The following CPQ variants were observed in gnomAD, a reference collection of about 807,000 sequenced individuals.
CPQ encodes the protein Ser-Met dipeptidase.
Under a neutral mutation model 45.7 loss-of-function variants are expected in CPQ, and 37 were observed. The ratio of observed to expected loss-of-function variants is 0.81; its 90% CI spans 0.62 to 1.07. The LOEUF is 1.07. CPQ is among the 50% of genes least tolerant of loss of function. The probability of loss-of-function intolerance (pLI) is 0.00; values close to 1 mark genes in which losing one functional copy is unlikely to be tolerated. For synonymous variants in CPQ, 186 were observed against 205.8 expected, an observed-to-expected ratio of 0.90 and a Z score of 0.82; for missense variants, 537 against 572.9, an observed-to-expected ratio of 0.94 and a Z score of 0.64.
In CPQ at chr8:96,882,815, CA is replaced by C. The variant is rs577060917; in HGVS notation, c.849+2812del. 4.4e-3 allele frequency among the ~76,000 whole-genome samples: 664 copies of C among 152,206 alleles called. 5 individuals are homozygous for C. Among genetic ancestry groups the C allele is most frequent in the Admixed American group, 0.021 (321 of 15,284 alleles). ...TATAACTTATATAAAATAAATCAAC[CA>C]ATCTAATGTACAATTTGATGAGTTT... On this transcript the variant is annotated intron_variant, in intron 4 of 7. Coordinates refer to ENST00000220763, the MANE Select transcript of CPQ (RefSeq NM_016134.4).
intron 1 of CPQ, among the ~76,000 whole-genome samples, chr8:96,673,940 C>T (rs985683725): frequency 5.3e-5 from 8 of 151,824 alleles, no homozygotes; most frequent in African/African-American, 1.5e-4. Flanking sequence ...ACAAATAAAC[C>T]CGTGACAAGA....
chr8:96,987,908 G>T (rs1194787037), intron 5 of CPQ, among the ~76,000 whole-genome samples: 1 of 152,128 alleles, frequency 6.6e-6, no homozygotes, highest in Non-Finnish European at 1.5e-5. Context: ...GTAACTTGAT[G>T]GCATAAAGTG....
intron 7 of CPQ, among the ~76,000 whole-genome samples, chr8:97,103,352 G>A (rs1811349535): frequency 6.6e-6 from 1 of 152,188 alleles, no homozygotes; most frequent in African/African-American, 2.4e-5. Context: ...TGGTGACTGT[G>A]AACCTTGAGG....
At chr8:97,095,892 T>G (rs1040486180) in intron 7 of CPQ, among the ~76,000 whole-genome samples, 21 of 152,202 alleles carry the variant, frequency 1.4e-4, no homozygotes, top group African/African-American at 5.1e-4. Context: ...TTAATCATAC[T>G]ATATCATAGT....
intron 5 of CPQ, among the ~76,000 whole-genome samples, chr8:96,966,660 G>A (rs191001375): frequency 6.6e-6 from 1 of 152,148 alleles, no homozygotes; most frequent in Non-Finnish European, 1.5e-5. Context: ...ATGTCCCCTG[G>A]GGGGCCAGGG....
intron 4 of CPQ, among the ~76,000 whole-genome samples, chr8:96,895,114 C>T (rs1812427431): frequency 6.6e-6 from 1 of 152,062 alleles, no homozygotes; most frequent in Non-Finnish European, 1.5e-5. Flanking sequence ...CACTTTGCAT[C>T]CCAGTTGCAG....
At position 96,879,900 on chromosome 8, in the gene CPQ, T is replaced by C; in HGVS notation, c.744T>C (p.His248=). 1.2e-6 allele frequency: 2 copies of C among 1,614,052 alleles called. No individual in the cohort carries two copies. The highest frequency in any genetic ancestry group is 1.1e-5 in the South Asian group (1 of 91,074). Residue 248 remains histidine (H), a synonymous_variant, in exon 4 of 8, where the codon CAT becomes CAC. Transcript: ENST00000220763. ...AAATGATGTCAAGAATGGCTTCTCA[T>C]GGGATCAAAATTGTCATTCAGCTAA... ...DAEMMSRMAS[H]GIKIVIQLKM...
At chr8:96,680,926 CT>C (rs1661723127) in intron 1 of CPQ, among the ~76,000 whole-genome samples, 2 of 151,960 alleles carry the variant, frequency 1.3e-5, no homozygotes, top group African/African-American at 4.8e-5. Flanking sequence ...CATTTTGCCC[CT>C]GCCCGAGAGA....
chr8:96,948,073 A>C (rs1813214236), intron 4 of CPQ, among the ~76,000 whole-genome samples: 2 of 151,920 alleles, frequency 1.3e-5, no homozygotes, highest in Non-Finnish European at 2.9e-5. Flanking sequence ...TCCCCTTTTT[A>C]AATACTTAGC....
chr8:96,730,884 T>C (rs1317151421), intron 1 of CPQ, among the ~76,000 whole-genome samples: 3 of 120,442 alleles, frequency 2.5e-5, no homozygotes, highest in South Asian at 2.7e-4. Context: ...TATATATATA[T>C]ATATATATGC....
At chr8:96,814,762 C>T (rs1163859228) in intron 2 of CPQ, among the ~76,000 whole-genome samples, 3 of 152,088 alleles carry the variant, frequency 2.0e-5, no homozygotes, top group Admixed American at 6.6e-5. Flanking sequence ...AAGGACAAGT[C>T]CTCAAGCAAC....
chr8:97,003,428 G>A (rs981062665), intron 5 of CPQ, among the ~76,000 whole-genome samples: 3 of 151,410 alleles, frequency 2.0e-5, no homozygotes, highest in Admixed American at 6.6e-5. Context: ...TTTTTTAGTG[G>A]AAAAAAAGAC....
At chr8:96,765,132 C>T (rs1038641880) in intron 1 of CPQ, among the ~76,000 whole-genome samples, 2 of 152,276 alleles carry the variant, frequency 1.3e-5, no homozygotes, top group Non-Finnish European at 1.5e-5. Context: ...TTAGACTTTG[C>T]TAATTGACAG....
intron 4 of CPQ, among the ~76,000 whole-genome samples, chr8:96,944,911 G>C (rs1346627096): frequency 2.0e-5 from 3 of 151,780 alleles, no homozygotes; most frequent in South Asian, 4.2e-4. Flanking sequence ...CTTCCTAGAG[G>C]GTATTAAAAA....
chr8:96,737,355 G>GAGATATATATATATATAT (rs1554561433), intron 1 of CPQ, among the ~76,000 whole-genome samples: 6 of 118,002 alleles, frequency 5.1e-5, no homozygotes, highest in Admixed American at 9.3e-5. Context: ...ACTAATAGGA[G>GAGATATATATATATATAT]ATATATATAT....
At chr8:97,055,399 T>G (rs1205877716) in intron 6 of CPQ, 9 of 152,240 alleles carry the variant, frequency 5.9e-5, no homozygotes, top group African/African-American at 1.9e-4. Flanking sequence ...TTTTTCAGCC[T>G]TTTGAGGTTC....
chr8:97,056,746 G>C lies in CPQ; in HGVS notation c.1054-9263G>C, dbSNP rs566490918. On this transcript the variant is annotated intron_variant, in intron 6 of 7. Coordinates refer to ENST00000220763, the MANE Select transcript of CPQ (RefSeq NM_016134.4). ...ACATTAGTTGGATGCTTAGAATAAA[G>C]TCATCTGTTCATTTGACAAGTATTT... Among the ~76,000 whole-genome samples, 13 of 152,262 alleles carry C rather than the reference G, an allele frequency of 8.5e-5. No individual in the cohort carries two copies. The South Asian group carries it at 2.5e-3, about 29-fold the overall frequency.
chr8:96,835,296 T>A, intron 3 of CPQ, 116 bp downstream of exon 3: 2 of 804,956 alleles, frequency 2.5e-6, no homozygotes, highest in Non-Finnish European at 3.6e-6. Context: ...TTCATGGAGT[T>A]TCCCCCCCAA....
chr8:96,748,358 A>G (rs1250512600), intron 1 of CPQ, among the ~76,000 whole-genome samples: 2 of 152,102 alleles, frequency 1.3e-5, no homozygotes, highest in African/African-American at 4.8e-5. Flanking sequence ...TTTATCTCCC[A>G]AATTTTTACC....
Sources: gnomAD v4.1 joint callset for allele counts (sites outside exome capture counted in the v4.1 genomes callset) on GRCh38, gnomAD v4.1.1 for gene constraint, MANE v1.5 for transcripts, NCBI Gene and HGNC (gene_info 2026-07-23, HGNC 2026-07-21) for gene names.